The following HS2ST1 variants were observed in gnomAD, a reference collection of about 807,000 sequenced individuals.
HS2ST1 encodes 2-O-sulfotransferase.
A neutral mutation model predicts 42.9 loss-of-function variants in HS2ST1; 18 were observed. The ratio of observed to expected loss-of-function variants is 0.42; its 90% confidence interval spans 0.29 to 0.62. The LOEUF is 0.62. HS2ST1 is among the 20% of genes least tolerant of loss of function. The pLI is 0.21. For missense variants in HS2ST1, 334 were observed against 433.8 expected, an observed-to-expected ratio of 0.77 and a Z score of 2.04; for synonymous variants, 146 against 152.9, an observed-to-expected ratio of 0.95 and a Z score of 0.33.
At chr1:86,977,871 T>C (rs1166396053) in intron 1 of HS2ST1, among the ~76,000 whole-genome samples, 1 of 152,178 alleles carries the variant, frequency 6.6e-6, no homozygotes, top group Non-Finnish European at 1.5e-5. Flanking sequence ...AAAGGAAAGT[T>C]TGGGTCATTG....
chr1:86,929,277 T>C (rs923581922), intron 1 of HS2ST1, among the ~76,000 whole-genome samples: 5 of 149,736 alleles, frequency 3.3e-5, no homozygotes, highest in Non-Finnish European at 3.0e-5. Flanking sequence ...ACAGCCTACA[T>C]TTTTTGGTGC....
chr1:87,060,309 T>A (rs1391990065), intron 1 of HS2ST1, among the ~76,000 whole-genome samples: 1 of 152,098 alleles, frequency 6.6e-6, no homozygotes, highest in Non-Finnish European at 1.5e-5. Context: ...ATAAAATATA[T>A]CAAATAATTT....
chr1:86,981,091 A>G (rs1648576786), intron 1 of HS2ST1, among the ~76,000 whole-genome samples: 1 of 152,124 alleles, frequency 6.6e-6, no homozygotes, highest in Non-Finnish European at 1.5e-5. Context: ...CTTACAAGGC[A>G]GCAGGAGAGG....
In HS2ST1 at chr1:86,990,847, T is replaced by A. The variant is rs1181911006; in HGVS notation, c.124+75687T>A. ...ATATATATATATATATTTTTTTTTT[T>A]TTTTTTTTTTTTAGTAGAGATGGGG... On this transcript the variant is annotated intron_variant, in intron 1 of 6. Transcript: ENST00000370550. Among the ~76,000 whole-genome samples, 674 of 101,192 alleles carry A rather than the reference T, an allele frequency of 6.7e-3. 4 individuals carry two copies. The highest frequency in any genetic ancestry group is 0.016 in the African/African-American group (464 of 28,862). 66.4% of individuals were successfully genotyped at this position (101,192 alleles called of 152,430 possible).
chr1:87,010,756 CTGTTTTGTTT>C (rs56184842), intron 1 of HS2ST1, among the ~76,000 whole-genome samples: 13,558 of 149,574 alleles, frequency 0.091, 718 homozygotes, highest in African/African-American at 0.13. Flanking sequence ...ATAGATTTTA[CTGTTTTGTTT>C]TGTTTTGTTT....
At chr1:87,009,010 A>G (rs1649517759) in intron 1 of HS2ST1, among the ~76,000 whole-genome samples, 1 of 151,944 alleles carries the variant, frequency 6.6e-6, no homozygotes, top group Non-Finnish European at 1.5e-5. Flanking sequence ...CACCCTGCTG[A>G]TTTTTGTAGT....
chr1:87,068,841 T>C (rs1651322220), intron 1 of HS2ST1, among the ~76,000 whole-genome samples: 2 of 152,194 alleles, frequency 1.3e-5, no homozygotes, highest in Admixed American at 1.3e-4. Flanking sequence ...AGAAAATATG[T>C]ATTTTTTATT....
At chr1:87,033,650 TCTC>T (rs1650295918) in intron 1 of HS2ST1, among the ~76,000 whole-genome samples, 1 of 152,130 alleles carries the variant, frequency 6.6e-6, no homozygotes, top group Non-Finnish European at 1.5e-5. Context: ...TTCAAGCAAT[TCTC>T]CTGCTTCAGC....
chr1:87,038,028 T>A (rs1650425373), intron 1 of HS2ST1, among the ~76,000 whole-genome samples: 1 of 152,214 alleles, frequency 6.6e-6, no homozygotes, highest in African/African-American at 2.4e-5. Context: ...CTTTATATTG[T>A]TAATGATTAA....
intron 1 of HS2ST1, among the ~76,000 whole-genome samples, chr1:87,047,052 T>C (rs1341017658): frequency 1.3e-5 from 2 of 152,098 alleles, no homozygotes; most frequent in Non-Finnish European, 2.9e-5. Flanking sequence ...TTTTCCATAA[T>C]GGTTGTCTCA....
intron 5 of HS2ST1, among the ~76,000 whole-genome samples, chr1:87,101,419 G>A (rs1259512200): frequency 6.6e-6 from 1 of 151,906 alleles, no homozygotes; most frequent in Non-Finnish European, 1.5e-5. Context: ...GCCTGTCTCG[G>A]CCTCCCAAAG....
chr1:87,010,706 T>G (rs1649574138), intron 1 of HS2ST1, among the ~76,000 whole-genome samples: 1 of 152,240 alleles, frequency 6.6e-6, no homozygotes, highest in Non-Finnish European at 1.5e-5. Context: ...GTAATATTTC[T>G]TATTTATTTA....
chr1:86,918,966 T>TTTTATTTA (rs1203454558), intron 1 of HS2ST1, among the ~76,000 whole-genome samples: 1 of 150,804 alleles, frequency 6.6e-6, no homozygotes, highest in South Asian at 2.1e-4. Flanking sequence ...TTTTTTTTAT[T>TTTTATTTA]TTTATTTATT....
intron 1 of HS2ST1, among the ~76,000 whole-genome samples, chr1:87,033,793 C>CTCGG (rs1650299691): frequency 6.6e-6 from 1 of 152,196 alleles, no homozygotes; most frequent in African/African-American, 2.4e-5. Flanking sequence ...ATCCACCAGC[C>CTCGG]TCGGCCTCCC....
intron 1 of HS2ST1, among the ~76,000 whole-genome samples, chr1:86,998,105 A>G (rs1421224986): frequency 6.6e-6 from 1 of 152,204 alleles, no homozygotes; most frequent in African/African-American, 2.4e-5. Context: ...GGTCAAGGAT[A>G]TCCTTGTGTT....
intron 1 of HS2ST1, among the ~76,000 whole-genome samples, chr1:87,015,566 G>A (rs1649732031): frequency 6.6e-6 from 1 of 151,512 alleles, no homozygotes; most frequent in Non-Finnish European, 1.5e-5. Context: ...AGATCGTCTT[G>A]ATTTCCTGAC....
In HS2ST1 at chr1:86,978,279, T is replaced by A. The variant is rs1648481159; in HGVS notation, c.124+63119T>A. Among the ~76,000 whole-genome samples, 5 of 152,330 alleles carry A rather than the reference T, an allele frequency of 3.3e-5. No homozygotes were observed. The South Asian group carries it at 1.0e-3, about 32-fold the overall frequency. On this transcript the variant is annotated intron_variant, in intron 1 of 6. Transcript: ENST00000370550. ...ACACATATAAAAGCTAATAAAAATC[T>A]TACAGAACCCTAAATATTTGTAAGT...
At chr1:86,952,391 C>G (rs1647547561) in intron 1 of HS2ST1, among the ~76,000 whole-genome samples, 1 of 152,090 alleles carries the variant, frequency 6.6e-6, no homozygotes, top group African/African-American at 2.4e-5. Context: ...GCACGTACCA[C>G]CACGCCCGGC....
chr1:87,014,460 T>C (rs1165931770), intron 1 of HS2ST1, among the ~76,000 whole-genome samples: 1 of 152,240 alleles, frequency 6.6e-6, no homozygotes, highest in Non-Finnish European at 1.5e-5. Flanking sequence ...ATGGGAATTA[T>C]GGGAGCTGCA....
Sources: allele counts gnomAD v4.1 joint callset (sites outside exome capture counted in the v4.1 genomes callset), GRCh38; gene constraint gnomAD v4.1.1; transcripts MANE v1.5; gene names NCBI Gene and HGNC (gene_info 2026-07-23, HGNC 2026-07-21).